The following TELO2 variants were observed in gnomAD, a reference collection of about 807,000 sequenced individuals.
TELO2 encodes the protein telomere maintenance 2.
Under a neutral mutation model 91.0 loss-of-function variants are expected in TELO2, and 71 were observed. The observed-to-expected ratio is 0.78, with a 90% CI of 0.64 to 0.95. TELO2 has a LOEUF of 0.95. TELO2 is among the 40% of genes least tolerant of loss of function. The pLI is 0.00. For synonymous variants in TELO2, 584 were observed against 518.9 expected (o/e 1.13, Z -1.71); for missense variants, 1,183 against 1,141.3 (o/e 1.04, Z -0.53).
intron 15 of TELO2, among the ~76,000 whole-genome samples, chr16:1,504,127 T>TA (rs34788034): frequency 0.049 from 5,116 of 104,812 alleles, 149 homozygotes; most frequent in Non-Finnish European, 0.072. Context: ...TCTGTCTCTT[T>TA]AAAAAAAAAA....
intron 20 of TELO2, 90 bp downstream of exon 20, chr16:1,507,806 C>A: frequency 9.5e-7 from 1 of 1,051,260 alleles, no homozygotes; most frequent in East Asian, 3.2e-5. Context: ...GATGTGTCGG[C>A]CCGGGGTGTG....
rs1024216484 is a variant in TELO2, at chr16:1,497,943, C to T, written c.830+435C>T. Among the ~76,000 whole-genome samples the T allele has an allele frequency of 1.3e-5, 2 of 152,152 alleles. No homozygotes were observed. The highest frequency in any genetic ancestry group is 2.4e-5 in the African/African-American group (1 of 41,442). On this transcript the variant is annotated intron_variant, in intron 5 of 20. Transcript: ENST00000262319. This position sits in a 1 kb window ranked among gnomAD's most constrained non-coding sequence, Gnocchi z 4.0. The stretch of plus-strand genomic sequence containing the variant: ...CCCACAAACCCTGCCAGCTCACCTG[C>T]CTCAGATGTCTCCCCTCCCTTCAAC...
At chr16:1,504,206 G>A (rs1341661975) in intron 15 of TELO2, among the ~76,000 whole-genome samples, 3 of 151,286 alleles carry the variant, frequency 2.0e-5, no homozygotes, top group Middle Eastern at 3.2e-3. Flanking sequence ...AGGCTAAGCC[G>A]GGCGGATCAT....
At chr16:1,509,296 G>A (rs1243730216) in intron 20 of TELO2, among the ~76,000 whole-genome samples, 6 of 152,136 alleles carry the variant, frequency 3.9e-5, no homozygotes, top group Non-Finnish European at 5.9e-5. Flanking sequence ...CTCACCCTGC[G>A]ATTCTAGCCC....
rs776417005 is a variant in TELO2, at chr16:1,502,289, G to T, written c.1562-24G>T. 4 of 1,585,868 alleles carry T rather than the reference G, an allele frequency of 2.5e-6. No individual in the cohort carries two copies. In the South Asian group the frequency reaches 4.5e-5, roughly 18 times the overall value. On this transcript the variant is annotated intron_variant, in intron 12 of 20. Transcript: ENST00000262319. ...TTCAGGGTCAGGGCTGAGGCTGACC[G>T]AGGCCTCTCTGGGTTCTGTGCAGCC... is the stretch of plus-strand genomic sequence containing the variant.
Position 1,501,781 on chromosome 16 carries a change from C to T in TELO2, c.1472+8C>T. Reference sequence around the variant, plus strand: ...TGACTCGGACCTGGACAGGTAGGGGCTCTGCCACCCCAGTGGGCAGCGTGC... The same window carrying T: ...TGACTCGGACCTGGACAGGTAGGGGTTCTGCCACCCCAGTGGGCAGCGTGC... On this transcript the variant is annotated splice_region_variant and intron_variant, in intron 11 of 20. Coordinates refer to ENST00000262319, the MANE Select transcript of TELO2 (RefSeq NM_016111.4). 1 of 1,604,610 alleles carries T rather than the reference C, an allele frequency of 6.2e-7. No individual in the cohort carries two copies.
chr16:1,507,214 C>A, intron 18 of TELO2, 92 bp from the exon 19 acceptor site: 1 of 1,547,126 alleles, frequency 6.5e-7, no homozygotes, highest in Non-Finnish European at 8.8e-7. Context: ...GGCCCTGTCC[C>A]TGCTGCTGCC....
chr16:1,502,105 G>C lies in TELO2; in HGVS notation c.1531G>C (p.Ala511Pro). Residue 511 changes from alanine to proline, a missense_variant, in exon 12 of 21, where the codon GCT becomes CCT. Ala to Pro is a conservative substitution (Grantham distance 27, BLOSUM62 -1). Coordinates refer to ENST00000262319, the MANE Select transcript of TELO2 (RefSeq NM_016111.4). ...GGACAGAGAGCTGAAGAGCAGCAAG[G>C]CTCCTGCCTACGTCCGGGACTGCGT... ...SGDRELKSSKAPAYVRDCVEA... is the reference protein window; with the variant it reads ...SGDRELKSSKPPAYVRDCVEA... The C allele has an allele frequency of 6.2e-7, 1 of 1,613,102 alleles. No homozygotes were observed. The highest frequency in any genetic ancestry group is 8.5e-7 in the Non-Finnish European group (1 of 1,179,974).
intron 18 of TELO2, 126 bp downstream of exon 18, chr16:1,507,177 C>T (rs1055519286): frequency 7.3e-5 from 108 of 1,483,574 alleles, no homozygotes; most frequent in East Asian, 4.3e-4. Context: ...CCCCGGGCAG[C>T]GGGAGCATCC....
chr16:1,507,680 A>G lies in TELO2; in HGVS notation c.2371A>G (p.Met791Val). The G allele has an allele frequency of 6.2e-7, 1 of 1,604,070 alleles. No homozygotes were observed. The highest frequency in any genetic ancestry group is 2.2e-5 in the East Asian group (1 of 44,848). Residue 791 changes from methionine to valine, a missense_variant, in exon 20 of 21, where the codon ATG becomes GTG. Met to Val is a conservative substitution (Grantham distance 21, BLOSUM62 1). Coordinates refer to ENST00000262319, the MANE Select transcript of TELO2 (RefSeq NM_016111.4). ...LPAARLLEDL[M>V]DELLEARSWL... is the part of the protein sequence containing the mutation. Reference sequence around the variant, plus strand: ...TGCTGCGCGCCTGCTGGAGGACCTGATGGACGAGCTGCTGGAAGCCCGGTC... The same window carrying G: ...TGCTGCGCGCCTGCTGGAGGACCTGGTGGACGAGCTGCTGGAAGCCCGGTC...
chr16:1,507,579 G>A (rs757971091), intron 19 of TELO2, 22 bp from the exon 20 acceptor site: 58 of 1,565,206 alleles, frequency 3.7e-5, no homozygotes, highest in Non-Finnish European at 4.7e-5. Flanking sequence ...GCCGAGCTCA[G>A]CCCCCGCCTT....
chr16:1,497,983 AC>A lies in TELO2; in HGVS notation c.830+477del. Among the ~76,000 whole-genome samples the A allele has an allele frequency of 6.7e-6, 1 of 148,212 alleles. No individual in the cohort carries two copies. The highest frequency in any genetic ancestry group is 3.6e-3 in the Middle Eastern group (1 of 280). On this transcript the variant is annotated intron_variant, in intron 5 of 20. Transcript: ENST00000262319. The surrounding 1 kb of genome is among the most constrained non-coding windows in gnomAD (Gnocchi z 4.0). ...CTCCCTTCAACGTGTGCAAGGACAT[AC>A]CTGTCTCTGCCCAAAGTATTTCCTC...
chr16:1,496,725 C>T (rs2039506016), intron 3 of TELO2, among the ~76,000 whole-genome samples: 1 of 152,216 alleles, frequency 6.6e-6, no homozygotes, highest in South Asian at 2.1e-4. Context: ...GTGGCTGACC[C>T]AACTTGGCCG....
intron 15 of TELO2, 86 bp downstream of exon 15, chr16:1,503,088 T>TG: frequency 1.3e-6 from 2 of 1,498,998 alleles, no homozygotes; most frequent in Non-Finnish European, 1.8e-6. Context: ...TCCTTGTTGC[T>TG]GGGCCCCAAG....
At position 1,506,316 on chromosome 16, in the gene TELO2, C is replaced by T. The variant is rs756134876; in HGVS notation, c.2113C>T (p.Gln705Ter). 6.2e-7 allele frequency: 1 copy of T among 1,614,126 alleles called. No individual in the cohort carries two copies. Among genetic ancestry groups the T allele is most frequent in the South Asian group, 1.1e-5 (1 of 91,088 alleles). The stretch of plus-strand genomic sequence containing the variant: ...CGGCCACTTCTTCTTCCCCCTCCTT[C>T]AGCGCTTTGACAGGTGAGTGGGTTT... ...VAGHFFFPLL[Q>*]RFDRPLVTFD... Residue 705 changes from glutamine (Q) to a stop codon, truncating the protein, a stop_gained, in exon 17 of 21, where the codon CAG becomes TAG. Transcript: ENST00000262319. LOFTEE classifies it high-confidence loss of function.
Position 1,497,302 on chromosome 16 carries a change from GCCC to G in TELO2, c.683-57_683-55del. 6.7e-7 allele frequency: 1 copy of G among 1,503,012 alleles called. No individual in the cohort carries two copies. Among genetic ancestry groups the G allele is most frequent in the Middle Eastern group, 2.4e-4 (1 of 4,230 alleles). The allele number at this position is 1,503,012 out of a possible 1,614,324, so 93.1% of individuals were successfully genotyped here. On this transcript the variant is annotated intron_variant, in intron 4 of 20. Transcript: ENST00000262319. This position sits in a 1 kb window ranked among gnomAD's most constrained non-coding sequence, Gnocchi z 4.0. ...GGACTGTCCTTGCTGGACCCACACAGCCCCAGACACCAGGTGGGTGCAGCTCCC... is the reference window on the plus strand; with the variant it reads ...GGACTGTCCTTGCTGGACCCACACAGCAGACACCAGGTGGGTGCAGCTCCC...
rs773709712 is a variant in TELO2, at chr16:1,497,111, A to G, written c.682+7A>G. ...TGTGTCCACGGGAGGCAGCGTGAGTAGAGCAGTGCCTTCCTGCCCATCCTG... is the reference window on the plus strand; with the variant it reads ...TGTGTCCACGGGAGGCAGCGTGAGTGGAGCAGTGCCTTCCTGCCCATCCTG... On this transcript the variant is annotated splice_region_variant and intron_variant, in intron 4 of 20. Coordinates refer to ENST00000262319, the MANE Select transcript of TELO2 (RefSeq NM_016111.4). The surrounding 1 kb of genome is among the most constrained non-coding windows in gnomAD (Gnocchi z 4.0). 44 of 1,613,810 alleles carry G rather than the reference A, an allele frequency of 2.7e-5. No homozygotes were observed. Among genetic ancestry groups the G allele is most frequent in the Non-Finnish European group, 3.7e-5 (44 of 1,179,960 alleles).
At chr16:1,502,240 G>A (rs1026731872) in intron 12 of TELO2, 73 bp from the exon 13 acceptor site, 43 of 1,565,672 alleles carry the variant, frequency 2.7e-5, no homozygotes, top group African/African-American at 2.0e-4. Context: ...CCGGGGTGCC[G>A]CCCGTGCTGC....
Position 1,507,324 on chromosome 16 carries a change from A to C in TELO2, c.2245A>C (p.Lys749Gln). 6.2e-7 allele frequency: 1 copy of C among 1,610,298 alleles called. No individual in the cohort carries two copies. The highest frequency in any genetic ancestry group is 8.5e-7 in the Non-Finnish European group (1 of 1,179,890). The change falls in exon 19 of 21, where the codon AAG becomes CAG. Residue 749 changes from lysine (K) to glutamine (Q), a missense_variant. Transcript: ENST00000262319. ...TGTCCAGGTGGCTGTGGCCATGGGC[A>C]AGGCCCTGCTGGAATTCGTGTGGGC... The part of the protein sequence containing the change: ...VNTTVAVAMG[K>Q]ALLEFVWALR...
Sources: allele counts gnomAD v4.1 joint callset (sites outside exome capture counted in the v4.1 genomes callset), GRCh38; gene constraint gnomAD v4.1.1; non-coding constraint Gnocchi (gnomAD v3.1); transcripts MANE v1.5; gene names NCBI Gene and HGNC (gene_info 2026-07-23, HGNC 2026-07-21).